Variants in CASP8 observed in about 807,000 individuals in gnomAD.
CASP8 encodes caspase 8, also known as caspase-8.
In CASP8, 24 loss-of-function variants were observed where a neutral mutation model predicts 46.3. The ratio of observed to expected loss-of-function variants is 0.52; its 90% CI spans 0.38 to 0.73. The LOEUF (loss-of-function observed/expected upper bound fraction) is 0.73. Ranked by LOEUF, CASP8 falls within the 30% of genes least tolerant of loss-of-function variation. The pLI is 0.00. For synonymous variants in CASP8, 188 were observed against 200.4 expected, an observed-to-expected ratio of 0.94 and a Z score of 0.52; for missense variants, 460 against 559.0, an observed-to-expected ratio of 0.82 and a Z score of 1.79.
intron 7 of CASP8, among the ~76,000 whole-genome samples, chr2:201,281,494 G>A (rs1335577440): frequency 6.6e-6 from 1 of 152,082 alleles, no homozygotes; most frequent in Non-Finnish European, 1.5e-5. Flanking sequence ...GTGGAAAAAA[G>A]TGGTTAAAAA....
At chr2:201,274,275 T>C (rs1948482390) in intron 5 of CASP8, among the ~76,000 whole-genome samples, 1 of 152,182 alleles carries the variant, frequency 6.6e-6, no homozygotes. Flanking sequence ...GCTTTATTAA[T>C]GAGTATCTCA....
upstream of CASP8, among the ~76,000 whole-genome samples, chr2:201,258,690 A>G (rs1159931693): frequency 6.6e-6 from 1 of 152,190 alleles, no homozygotes; most frequent in South Asian, 2.1e-4. Context: ...TGGAGAGTCC[A>G]GAAGACTTTA....
chr2:201,260,122 CTCTGCAGTG>C (rs1947285727), upstream of CASP8, among the ~76,000 whole-genome samples: 1 of 151,862 alleles, frequency 6.6e-6, no homozygotes, highest in African/African-American at 2.4e-5. Flanking sequence ...GATGAGAGGG[CTCTGCAGTG>C]TCCAATCTCA....
chr2:201,285,515 T>G (rs573683639), intron 8 of CASP8, among the ~76,000 whole-genome samples, 198 bp downstream of exon 8: 1 of 152,314 alleles, frequency 6.6e-6, no homozygotes, highest in East Asian at 1.9e-4. Context: ...ATAGCTGCAT[T>G]TCCCAGGTCA....
intron 6 of CASP8, among the ~76,000 whole-genome samples, chr2:201,276,503 A>G (rs1948640475): frequency 3.3e-5 from 5 of 152,204 alleles, no homozygotes; most frequent in Admixed American, 3.3e-4. Context: ...CCTGGCACAG[A>G]TGTTATGAAC....
chr2:201,261,404 A>T (rs1328683886), intron 1 of CASP8, among the ~76,000 whole-genome samples: 1 of 152,054 alleles, frequency 6.6e-6, no homozygotes. Flanking sequence ...AAAAAAAAAA[A>T]AAAAAAAATT....
upstream of CASP8, among the ~76,000 whole-genome samples, chr2:201,259,034 G>T (rs1947202069): frequency 1.3e-5 from 2 of 152,168 alleles, no homozygotes; most frequent in African/African-American, 4.8e-5. Context: ...ATCATTAAAT[G>T]ATTAATAATG....
chr2:201,245,252 G>GTT (rs948402184), intron 2 of CASP8, among the ~76,000 whole-genome samples: 2 of 144,190 alleles, frequency 1.4e-5, no homozygotes, highest in Non-Finnish European at 1.5e-5. Flanking sequence ...ATTTGTTTTT[G>GTT]TTTTTTTTTT....
At chr2:201,275,777 C>T (rs924231710) in intron 6 of CASP8, among the ~76,000 whole-genome samples, 1 of 152,090 alleles carries the variant, frequency 6.6e-6, no homozygotes, top group East Asian at 1.9e-4. Flanking sequence ...GGTCTTGCTA[C>T]GTTGCCAAGC....
chr2:201,246,840 G>C (rs1033997847), intron 2 of CASP8, among the ~76,000 whole-genome samples: 2 of 152,066 alleles, frequency 1.3e-5, no homozygotes, highest in Non-Finnish European at 2.9e-5. Flanking sequence ...TGGAATTTTG[G>C]GGGGCCAGGG....
chr2:201,253,038 G>T (rs758506297), intron 2 of CASP8, among the ~76,000 whole-genome samples: 1 of 151,996 alleles, frequency 6.6e-6, no homozygotes, highest in Non-Finnish European at 1.5e-5. Flanking sequence ...AGGCTGGAGT[G>T]CAGTGATGCA....
chr2:201,235,068 G>A (rs1172002388), intron 2 of CASP8, among the ~76,000 whole-genome samples: 8 of 152,266 alleles, frequency 5.3e-5, no homozygotes, highest in Non-Finnish European at 2.9e-5. Flanking sequence ...AAGGTTAATT[G>A]TGTTGTTCAA....
chr2:201,250,703 AG>A (rs1340654258), intron 2 of CASP8, among the ~76,000 whole-genome samples: 2 of 152,226 alleles, frequency 1.3e-5, no homozygotes, highest in Non-Finnish European at 2.9e-5. Flanking sequence ...AGTTTGGGTG[AG>A]GACACAAATC....
At chr2:201,270,457 C>T (rs1006498623) in intron 2 of CASP8, among the ~76,000 whole-genome samples, 4 of 152,160 alleles carry the variant, frequency 2.6e-5, no homozygotes, top group Admixed American at 6.5e-5. Context: ...AGCCTGGGTC[C>T]GCTGAGCTCA....
intron 2 of CASP8, chr2:201,241,149 G>C (rs1946282350): frequency 6.6e-6 from 1 of 151,980 alleles, no homozygotes; most frequent in Admixed American, 6.6e-5. Flanking sequence ...TGAAGAAGAA[G>C]AGGAACTAAG....
At position 201,286,607 on chromosome 2, in the gene CASP8, G is replaced by GT. The variant is rs1949572984; in HGVS notation, c.*16dup. On this transcript the variant is annotated 3_prime_UTR_variant, in exon 9 of 9. Transcript: ENST00000673742. Reference sequence around the variant, plus strand: ...CCCTTCTGATTGATGGTGCTATTTTGTTTGTTTTGTTTTGTTTTGTTTTTT... The same window carrying GT: ...CCCTTCTGATTGATGGTGCTATTTTGTTTTGTTTTGTTTTGTTTTGTTTTTT... 6.2e-7 allele frequency: 1 copy of GT among 1,611,312 alleles called. No individual in the cohort carries two copies. The highest frequency in any genetic ancestry group is 8.5e-7 in the Non-Finnish European group (1 of 1,178,106).
intron 1 of CASP8, among the ~76,000 whole-genome samples, chr2:201,261,090 T>A (rs1036271526): frequency 6.6e-6 from 1 of 152,184 alleles, no homozygotes; most frequent in Non-Finnish European, 1.5e-5. Flanking sequence ...CAATTATTTA[T>A]TTTTTAAAGA....
chr2:201,235,410 A>G (rs193199253), intron 2 of CASP8, among the ~76,000 whole-genome samples: 4 of 152,218 alleles, frequency 2.6e-5, no homozygotes, highest in Non-Finnish European at 2.9e-5. Context: ...ATTTAATGTA[A>G]TTGTCAATAT....
chr2:201,272,623 T>C lies in CASP8; in HGVS notation c.412-15T>C. 1 of 1,614,022 alleles carries C rather than the reference T, an allele frequency of 6.2e-7. No homozygotes were observed. The highest frequency in any genetic ancestry group is 1.1e-5 in the South Asian group (1 of 91,068). ...GCTCAATCCAGATTCCCAACTTTAT[T>C]TCTCCTCCTCTTAGAACCTGCTGGA... On this transcript the variant is annotated splice_polypyrimidine_tract_variant and intron_variant, in intron 3 of 8. Transcript: ENST00000673742. The surrounding 1 kb of genome is among the most constrained non-coding windows in gnomAD (Gnocchi z 4.4).
Sources: gnomAD v4.1 joint callset for allele counts (sites outside exome capture counted in the v4.1 genomes callset) on GRCh38, gnomAD v4.1.1 for gene constraint, Gnocchi (gnomAD v3.1) non-coding constraint, MANE v1.5 for transcripts, NCBI Gene and HGNC (gene_info 2026-07-23, HGNC 2026-07-21) for gene names.